Variants in ARF4 observed in about 807,000 individuals in gnomAD.
The protein encoded by ARF4 is ADP-ribosylation factor 4.
In ARF4, 5 loss-of-function variants were observed where a neutral mutation model predicts 24.3. The ratio of observed to expected loss-of-function variants is 0.21; its 90% CI spans 0.11 to 0.43. The LOEUF (loss-of-function observed/expected upper bound fraction) is 0.43, where lower values mean the gene tolerates loss of function less well. Among genes scored for constraint, ARF4 ranks in the 20% least tolerant of loss-of-function variants. The probability of loss-of-function intolerance (pLI) is 1.00; values close to 1 mark genes in which losing one functional copy is unlikely to be tolerated. For synonymous variants in ARF4, 62 were observed against 73.5 expected (o/e 0.84, Z 0.80); for missense variants, 107 against 213.0 (o/e 0.50, Z 3.10).
At chr3:57,594,358 G>T (rs2070155880) in intron 1 of ARF4, among the ~76,000 whole-genome samples, 2 of 152,178 alleles carry the variant, frequency 1.3e-5, no homozygotes, top group South Asian at 4.1e-4. Context: ...AAAGTGCTGG[G>T]ATAATAGGCG....
intron 3 of ARF4, among the ~76,000 whole-genome samples, chr3:57,578,074 T>A (rs933336931): frequency 1.3e-5 from 2 of 151,678 alleles, no homozygotes; most frequent in Non-Finnish European, 1.5e-5. Context: ...AAAAACCCCA[T>A]GAATTTACTA....
intron 1 of ARF4, among the ~76,000 whole-genome samples, chr3:57,593,003 GA>G (rs918074480): frequency 1.3e-5 from 2 of 152,088 alleles, no homozygotes; most frequent in Admixed American, 1.3e-4. Flanking sequence ...CCAGGAGTTT[GA>G]GATCAGCTGG....
At chr3:57,582,542 A>G (rs1360321465) in intron 3 of ARF4, among the ~76,000 whole-genome samples, 1 of 152,064 alleles carries the variant, frequency 6.6e-6, no homozygotes, top group African/African-American at 2.4e-5. Flanking sequence ...TGCCTGGCCT[A>G]AACATTCTCG....
intron 1 of ARF4, 109 bp downstream of exon 1, chr3:57,596,965 C>A: frequency 8.1e-7 from 1 of 1,232,620 alleles, no homozygotes; most frequent in Admixed American, 2.2e-5. Context: ...CGACCCGGCG[C>A]CCCTCCCCCA....
At chr3:57,573,764 T>G (rs2069868359) in intron 5 of ARF4, among the ~76,000 whole-genome samples, 2 of 152,038 alleles carry the variant, frequency 1.3e-5, no homozygotes, top group Admixed American at 6.6e-5. Context: ...GTAATTTTAG[T>G]AGAGACAGAG....
chr3:57,591,111 T>C (rs571677176), intron 1 of ARF4, among the ~76,000 whole-genome samples: 1 of 152,238 alleles, frequency 6.6e-6, no homozygotes, highest in South Asian at 2.1e-4. Context: ...AGAACCCTCA[T>C]ATATTGCTAG....
At chr3:57,581,756 C>T (rs1338632046) in intron 3 of ARF4, among the ~76,000 whole-genome samples, 2 of 152,066 alleles carry the variant, frequency 1.3e-5, no homozygotes, top group African/African-American at 4.8e-5. Flanking sequence ...GCCAAGATTG[C>T]GCCATAGCCT....
chr3:57,584,701 T>C (rs1270963523), intron 1 of ARF4, among the ~76,000 whole-genome samples: 1 of 152,150 alleles, frequency 6.6e-6, no homozygotes, highest in Non-Finnish European at 1.5e-5. Context: ...GTAACAAGTA[T>C]GTAGCTGACT....
intron 3 of ARF4, 60 bp from the exon 4 acceptor site, chr3:57,577,447 G>A: frequency 2.2e-6 from 3 of 1,359,900 alleles, no homozygotes; most frequent in East Asian, 2.3e-5. Flanking sequence ...ATATGAAACA[G>A]TGTAGGCAGC....
chr3:57,589,926 A>G (rs979192748), intron 1 of ARF4, among the ~76,000 whole-genome samples: 2 of 148,662 alleles, frequency 1.3e-5, no homozygotes, highest in Non-Finnish European at 3.0e-5. Context: ...CCCCATCTCT[A>G]CTAAAAATAC....
chr3:57,593,951 A>T (rs1162590795), intron 1 of ARF4, among the ~76,000 whole-genome samples: 1 of 152,210 alleles, frequency 6.6e-6, no homozygotes, highest in African/African-American at 2.4e-5. Flanking sequence ...TTATTTAAAA[A>T]ATATATACAA....
intron 4 of ARF4, 72 bp downstream of exon 4, chr3:57,577,244 G>A: frequency 4.0e-6 from 5 of 1,255,598 alleles, no homozygotes; most frequent in South Asian, 1.2e-5. Flanking sequence ...TAGTCAAAAT[G>A]TACTAAACCA....
intron 3 of ARF4, among the ~76,000 whole-genome samples, chr3:57,580,456 C>G (rs1193772682): frequency 1.3e-5 from 2 of 152,202 alleles, no homozygotes; most frequent in East Asian, 1.9e-4. Context: ...GGCTGGAGTA[C>G]AGAGGCGCAA....
chr3:57,592,303 A>G (rs1366336978), intron 1 of ARF4, among the ~76,000 whole-genome samples: 1 of 152,040 alleles, frequency 6.6e-6, no homozygotes, highest in Non-Finnish European at 1.5e-5. Flanking sequence ...AGCTTGACCA[A>G]TATGGTGAAA....
At chr3:57,572,553 T>G (rs2069853564) in intron 5 of ARF4, among the ~76,000 whole-genome samples, 1 of 152,108 alleles carries the variant, frequency 6.6e-6, no homozygotes, top group Non-Finnish European at 1.5e-5. Context: ...AGACTTTGTC[T>G]CTACTTTTTT....
rs2070123911 is a variant in ARF4 at position 57,592,177 on chromosome 3, T to C, written c.67+4897A>G. Among the ~76,000 whole-genome samples the C allele has an allele frequency of 2.0e-5, 3 of 152,112 alleles. No individual in the cohort carries two copies. The South Asian group carries it at 6.2e-4, about 32-fold the overall frequency. On this transcript the variant is annotated intron_variant, in intron 1 of 5. Coordinates refer to ENST00000303436, the MANE Select transcript of ARF4 (RefSeq NM_001660.4). ...TGCTGCCATCCTGCCTTTAGGTTTTTCTGGTGGACATACTGTATCTTAATA... is the reference window on the plus strand; with the variant it reads ...TGCTGCCATCCTGCCTTTAGGTTTTCCTGGTGGACATACTGTATCTTAATA...
chr3:57,581,135 A>T (rs2069965946), intron 3 of ARF4, among the ~76,000 whole-genome samples: 1 of 152,238 alleles, frequency 6.6e-6, no homozygotes, highest in African/African-American at 2.4e-5. Context: ...TTATAAGAGG[A>T]ATTTACTACA....
intron 3 of ARF4, among the ~76,000 whole-genome samples, chr3:57,582,404 G>A (rs955065557): frequency 2.5e-4 from 38 of 149,412 alleles, no homozygotes; most frequent in Non-Finnish European, 5.2e-4. Context: ...CACCACGCCC[G>A]GCTAATTTTT....
intron 5 of ARF4, among the ~76,000 whole-genome samples, 179 bp from the exon 6 acceptor site, chr3:57,572,477 TTGGGAGGCGGAGA>T (rs1417267522): frequency 6.6e-6 from 1 of 152,128 alleles, no homozygotes; most frequent in African/African-American, 2.4e-5. Context: ...TCCCAGCACT[TTGGGAGGCGGAGA>T]TGGGAGGATC....
Sources: gnomAD v4.1 joint callset for allele counts (sites outside exome capture counted in the v4.1 genomes callset) on GRCh38, gnomAD v4.1.1 for gene constraint, MANE v1.5 for transcripts, NCBI Gene and HGNC (gene_info 2026-07-23, HGNC 2026-07-21) for gene names.